The following SLTM variants were observed in gnomAD, a reference collection of about 807,000 sequenced individuals.
SLTM encodes SAFB like transcription modulator.
SLTM carries 43 observed loss-of-function variants against 134.6 expected under a neutral mutation model. The ratio of observed to expected loss-of-function variants is 0.32; its 90% CI spans 0.25 to 0.41. The LOEUF is 0.41. SLTM is among the 10% of genes least tolerant of loss of function. The pLI is 1.00. For missense variants in SLTM, 1,055 were observed against 1,288.8 expected, an observed-to-expected ratio of 0.82 and a Z score of 2.78; for synonymous variants, 424 against 432.3, an observed-to-expected ratio of 0.98 and a Z score of 0.24.
rs774877342 is a variant in SLTM, at chr15:58,889,451, C to T, written c.2183G>A (p.Arg728His). ...CTACCTATGATCTACATCACGTGGG[C>T]GTTTCAAGGAATTCCTTTTTTCTTG... is the stretch of plus-strand genomic sequence containing the variant. The part of the protein sequence containing the change: ...YEQEKRNSLK[R>H]PRDVDHRRDD... Residue 728 changes from arginine to histidine, a missense_variant, in exon 16 of 21, where the codon CGC becomes CAC. Arg to His is a conservative substitution (Grantham distance 29, BLOSUM62 0). Transcript: ENST00000380516. 1.2e-6 allele frequency: 2 copies of T among 1,613,838 alleles called. No individual in the cohort carries two copies. Among genetic ancestry groups the T allele is most frequent in the Non-Finnish European group, 1.7e-6 (2 of 1,179,848 alleles).
rs144022921 is a variant in SLTM, at chr15:58,887,363, G to A, written c.2553C>T (p.Asp851=). ...CATGAATAATCACCGTTCTCCTTTCGTCTCGCTCCCCTCGTACTTCTCGCC... is the reference window on the plus strand; with the variant it reads ...CATGAATAATCACCGTTCTCCTTTCATCTCGCTCCCCTCGTACTTCTCGCC... ...SDRREVRGER[D]ERRTVIIHDR... The change falls in exon 18 of 21, where the codon GAC becomes GAT. Residue 851 remains aspartate, a synonymous_variant. Transcript: ENST00000380516. 38 of 1,613,612 alleles carry A rather than the reference G, an allele frequency of 2.4e-5. No individual in the cohort carries two copies. The highest frequency in any genetic ancestry group is 2.7e-5 in the Non-Finnish European group (32 of 1,179,974).
chr15:58,899,228 A>T lies in SLTM; in HGVS notation c.1058+241T>A, dbSNP rs1364712081. On this transcript the variant is annotated intron_variant, in intron 7 of 20. Transcript: ENST00000380516. This position sits in a 1 kb window ranked among gnomAD's most constrained non-coding sequence, Gnocchi z 5.0. The stretch of plus-strand genomic sequence containing the variant: ...AATTTGAAAAAAAAAAACAAAAAAC[A>T]AAAAACAACAAAAAAACCAAATATA... 6 of 471,492 alleles carry T rather than the reference A, an allele frequency of 1.3e-5. No individual in the cohort carries two copies. Among genetic ancestry groups the T allele is most frequent in the Admixed American group, 3.8e-5 (1 of 26,030 alleles). The allele number at this position is 471,492 out of a possible 1,614,324, so 29.2% of individuals were successfully genotyped here.
At chr15:58,916,443 G>C (rs1422857659) in intron 3 of SLTM, 1 of 152,916 alleles carries the variant, frequency 6.5e-6, no homozygotes, top group East Asian at 1.9e-4. Context: ...CAAAGTGCTG[G>C]GATTACAGGC....
At chr15:58,925,394 G>C (rs2037389390) in intron 2 of SLTM, among the ~76,000 whole-genome samples, 1 of 152,192 alleles carries the variant, frequency 6.6e-6, no homozygotes, top group Non-Finnish European at 1.5e-5. Context: ...CTGGAGTGCA[G>C]TGGCACAATC....
At chr15:58,912,405 G>A (rs1422531380) in intron 5 of SLTM, among the ~76,000 whole-genome samples, 158 bp downstream of exon 5, 1 of 152,044 alleles carries the variant, frequency 6.6e-6, no homozygotes, top group Non-Finnish European at 1.5e-5. Flanking sequence ...GCCCGACCTT[G>A]CCAATAGTTT....
intron 8 of SLTM, chr15:58,897,992 A>T (rs2035215649): frequency 6.6e-6 from 1 of 152,154 alleles, no homozygotes; most frequent in Non-Finnish European, 1.5e-5. Context: ...CATTCACTTG[A>T]CTTTATTTGG....
At position 58,880,009 on chromosome 15, in the gene SLTM, C is replaced by A. The variant is rs553604260; in HGVS notation, c.3095G>T (p.Arg1032Leu). ...GCAGAGAGCTCATTTTCAGAATCGT[C>A]GCGGAGGTCCACCCTTAAATGGCTT... Reference protein sequence around the residue: ...GFKPFKGGPPRRF With the variant: ...GFKPFKGGPPLRF The change falls in exon 21 of 21, where the codon CGA (arginine) becomes CTA (leucine). Residue 1032 changes from arginine to leucine, a missense_variant. Physicochemically the swap from Arg to Leu is moderately radical, Grantham distance 102. This residue lies in a region of SLTM where 776 missense variants were observed against 962.2 expected (regional missense o/e 0.81). Coordinates refer to ENST00000380516, the MANE Select transcript of SLTM (RefSeq NM_024755.4). 1 of 1,613,708 alleles carries A rather than the reference C, an allele frequency of 6.2e-7. No individual in the cohort carries two copies. The highest frequency in any genetic ancestry group is 8.5e-7 in the Non-Finnish European group (1 of 1,179,840).
At chr15:58,886,838 TA>T (rs1346645605) in intron 19 of SLTM, 136 bp downstream of exon 19, 193 of 1,049,534 alleles carry the variant, frequency 1.8e-4, no homozygotes, top group Non-Finnish European at 2.5e-4. Context: ...AAAATTTAAA[TA>T]AAAAATTAAT....
Position 58,899,595 on chromosome 15 carries a change from C to G in SLTM, c.932G>C (p.Cys311Ser). 1 of 1,614,200 alleles carries G rather than the reference C, an allele frequency of 6.2e-7. No homozygotes were observed. Among genetic ancestry groups the G allele is most frequent in the African/African-American group, 1.3e-5 (1 of 75,060 alleles). The change falls in exon 7 of 21, where the codon TGC (cysteine) becomes TCC (serine). Residue 311 changes from cysteine to serine, a missense_variant. By Grantham distance (112) the Cys-to-Ser change is moderately radical. Around this residue, in one of 3 missense-constraint regions of SLTM, gnomAD observed 776 missense variants for 962.2 expected, o/e 0.81. Coordinates refer to ENST00000380516, the MANE Select transcript of SLTM (RefSeq NM_024755.4). This position sits in a 1 kb window ranked among gnomAD's most constrained non-coding sequence, Gnocchi z 5.0. Reference protein sequence around the residue: ...ANHKDGKKEDCVKGDPVEKEA... With the variant: ...ANHKDGKKEDSVKGDPVEKEA... ...CTTCTCGACAGGGTCACCCTTCACGCAGTCTTCCTTCTTACCATCTTTATG... is the reference window on the plus strand; with the variant it reads ...CTTCTCGACAGGGTCACCCTTCACGGAGTCTTCCTTCTTACCATCTTTATG...
intron 3 of SLTM, among the ~76,000 whole-genome samples, chr15:58,916,113 A>C (rs1416047623): frequency 1.3e-5 from 2 of 152,088 alleles, no homozygotes; most frequent in Non-Finnish European, 2.9e-5. Flanking sequence ...TTTCGGCCCC[A>C]AAAGGCCTAG....
chr15:58,885,831 C>A (rs1218584789), intron 19 of SLTM, among the ~76,000 whole-genome samples: 1 of 151,964 alleles, frequency 6.6e-6, no homozygotes, highest in East Asian at 1.9e-4. Flanking sequence ...AACACACACA[C>A]ACACACTGTA....
chr15:58,880,959 C>CT (rs774120963), intron 20 of SLTM, among the ~76,000 whole-genome samples: 1 of 152,198 alleles, frequency 6.6e-6, no homozygotes, highest in Non-Finnish European at 1.5e-5. Context: ...TTTCTGGAAT[C>CT]TTTATGTGTA....
chr15:58,887,327 A>G lies in SLTM; in HGVS notation c.2589T>C (p.Asp863=). ...CTCGAGGATGTCTAGGATGAGTGAT[A>G]TCAGGCCTGTCATGAATAATCACCG... ...RRTVIIHDRP[D]ITHPRHPREA... Residue 863 remains aspartate, a synonymous_variant, in exon 18 of 21, where the codon GAT becomes GAC. Coordinates refer to ENST00000380516, the MANE Select transcript of SLTM (RefSeq NM_024755.4). The G allele has an allele frequency of 1.9e-6, 3 of 1,613,880 alleles. No individual in the cohort carries two copies. The highest frequency in any genetic ancestry group is 2.5e-6 in the Non-Finnish European group (3 of 1,179,976).
At chr15:58,919,132 C>T (rs571114364) in intron 2 of SLTM, among the ~76,000 whole-genome samples, 57 of 152,216 alleles carry the variant, frequency 3.7e-4, no homozygotes, top group African/African-American at 1.3e-3. Context: ...AGGATGGTCT[C>T]GATCCCCTGA....
intron 17 of SLTM, 193 bp from the exon 18 acceptor site, chr15:58,887,733 T>C: frequency 1.4e-6 from 1 of 737,530 alleles, no homozygotes; most frequent in East Asian, 1.3e-4. Flanking sequence ...AGCCTAAAGG[T>C]TGGTTTTTTA....
chr15:58,889,580 C>A (rs1202388262), intron 15 of SLTM, 26 bp from the exon 16 acceptor site: 20 of 1,611,546 alleles, frequency 1.2e-5, no homozygotes, highest in Non-Finnish European at 1.6e-5. Flanking sequence ...AATGAAGAAC[C>A]AACCAAGGCA....
Position 58,899,909 on chromosome 15 carries a change from T to G in SLTM, c.618A>C (p.Gln206His). ...KDIAGSGDGT[Q>H]EVSKPLPSEG... ...CTGAAGGAAGAGGTTTAGATACTTC[T>G]TGTGTACCATCACCAGAACCTGCTA... The change falls in exon 7 of 21, where the codon CAA becomes CAC. Residue 206 changes from glutamine (Q) to histidine (H), a missense_variant. By Grantham distance (24) the Gln-to-His change is conservative. Coordinates refer to ENST00000380516, the MANE Select transcript of SLTM (RefSeq NM_024755.4). This position sits in a 1 kb window ranked among gnomAD's most constrained non-coding sequence, Gnocchi z 5.0. The G allele has an allele frequency of 6.2e-7, 1 of 1,613,066 alleles. No homozygotes were observed. Among genetic ancestry groups the G allele is most frequent in the Non-Finnish European group, 8.5e-7 (1 of 1,179,322 alleles).
Position 58,916,178 on chromosome 15 carries a change from C to CTCT in SLTM, c.315+756_315+757insAGA, listed in dbSNP as rs1555454533. Reference sequence around the variant, plus strand: ...TTCTTAATTTGATCTCTCTCTCTCTCTTTTTTTTTTTTTTTGAGACGGAGT... The same window carrying CTCT: ...TTCTTAATTTGATCTCTCTCTCTCTCTCTTTTTTTTTTTTTTTTGAGACGGAGT... On this transcript the variant is annotated intron_variant, in intron 3 of 20. Coordinates refer to ENST00000380516, the MANE Select transcript of SLTM (RefSeq NM_024755.4). Among the ~76,000 whole-genome samples the CTCT allele has an allele frequency of 4.5e-3, 629 of 138,676 alleles. 1 individual carries two copies. The highest frequency in any genetic ancestry group is 7.3e-3 in the Non-Finnish European group (477 of 64,922). 91.0% of individuals were successfully genotyped at this position (138,676 alleles called of 152,430 possible). A position where few individuals can be genotyped will look rare whatever the true frequency, so the allele number is the denominator to read the frequency against.
rs369625549 is a variant in SLTM at position 58,893,999 on chromosome 15, G to A, written c.1482-12C>T. On this transcript the variant is annotated splice_polypyrimidine_tract_variant and intron_variant, in intron 11 of 20. Coordinates refer to ENST00000380516, the MANE Select transcript of SLTM (RefSeq NM_024755.4). ...CAGAGGCTTGTGTCCTGACCATACC[G>A]CCCCAGACAAAAAAACAGAATGAGT... 47 of 1,600,676 alleles carry A rather than the reference G, an allele frequency of 2.9e-5. No individual in the cohort carries two copies. Among genetic ancestry groups the A allele is most frequent in the African/African-American group, 2.3e-4 (17 of 73,382 alleles).
Sources: gnomAD v4.1 joint callset for allele counts (sites outside exome capture counted in the v4.1 genomes callset) on GRCh38, gnomAD v4.1.1 for gene constraint, gnomAD v4.1.1 regional missense constraint, Gnocchi (gnomAD v3.1) non-coding constraint, MANE v1.5 for transcripts, NCBI Gene and HGNC (gene_info 2026-07-23, HGNC 2026-07-21) for gene names.